The following RASGRF2 variants were observed in gnomAD, a reference collection of about 807,000 sequenced individuals.
RASGRF2 encodes the protein Ras protein specific guanine nucleotide releasing factor 2.
RASGRF2 carries 76 observed loss-of-function variants against 151.0 expected under a neutral mutation model. The ratio of observed to expected loss-of-function variants is 0.50; its 90% CI spans 0.42 to 0.61. The LOEUF (loss-of-function observed/expected upper bound fraction) is 0.61, where lower values mean the gene tolerates loss of function less well. Among genes scored for constraint, RASGRF2 ranks in the 20% least tolerant of loss-of-function variants. The probability of loss-of-function intolerance (pLI) is 0.00; values close to 1 mark genes in which losing one functional copy is unlikely to be tolerated. For missense variants in RASGRF2, 1,148 were observed against 1,564.6 expected (o/e 0.73, Z 4.49); for synonymous variants, 504 against 566.5 (o/e 0.89, Z 1.57).
intron 1 of RASGRF2, among the ~76,000 whole-genome samples, chr5:81,018,477 G>A (rs1202810524): frequency 2.0e-5 from 3 of 152,114 alleles, no homozygotes; most frequent in African/African-American, 2.4e-5. Context: ...AGGGCCAGAC[G>A]TACCGGGAAA....
Position 81,229,733 on chromosome 5 carries a change from T to C in RASGRF2, c.*3963T>C, listed in dbSNP as rs1057216136. ...AGAGCTGGCCTAGGCATCCCGGCCC[T>C]GAGTCCTAGGCCCAGTCTCCAACTG... On this transcript the variant is annotated 3_prime_UTR_variant, in exon 27 of 27. Transcript: ENST00000265080. 1.3e-5 allele frequency: 2 copies of C among 152,236 alleles called. No homozygotes were observed. Among genetic ancestry groups the C allele is most frequent in the African/African-American group, 4.8e-5 (2 of 41,468 alleles). 9.4% of individuals were successfully genotyped at this position (152,236 alleles called of 1,614,324 possible).
intron 18 of RASGRF2, among the ~76,000 whole-genome samples, chr5:81,181,985 G>A (rs1029558383): frequency 2.0e-5 from 3 of 152,164 alleles, no homozygotes; most frequent in Admixed American, 1.3e-4. Flanking sequence ...ATTCATAGAT[G>A]GGGAGAGATT....
intron 1 of RASGRF2, among the ~76,000 whole-genome samples, chr5:81,009,135 TG>T (rs1426691987): frequency 6.6e-6 from 1 of 152,216 alleles, no homozygotes; most frequent in Non-Finnish European, 1.5e-5. Context: ...TCTTTCAGCC[TG>T]TTTCCTCATC....
At chr5:81,016,352 T>C (rs1749636730) in intron 1 of RASGRF2, among the ~76,000 whole-genome samples, 1 of 152,204 alleles carries the variant, frequency 6.6e-6, no homozygotes, top group South Asian at 2.1e-4. Flanking sequence ...ATTCTCAGAT[T>C]CCTTGGTTGA....
In RASGRF2 at chr5:81,101,460, C is replaced by G. The variant is rs1011718400; in HGVS notation, c.1755+6468C>G. ...TCTGGTTGAAATAAAATTGGTAGAC[C>G]TAGAGACTCCAGGAGCCATTTTTTT... On this transcript the variant is annotated intron_variant, in intron 12 of 26. Transcript: ENST00000265080. Among the ~76,000 whole-genome samples the G allele has an allele frequency of 2.8e-4, 43 of 151,350 alleles. 1 individual carries two copies. Among genetic ancestry groups the G allele is most frequent in the African/African-American group, 1.0e-3 (42 of 41,002 alleles).
At chr5:81,138,203 AC>A (rs1226265864) in intron 17 of RASGRF2, among the ~76,000 whole-genome samples, 2 of 151,926 alleles carry the variant, frequency 1.3e-5, no homozygotes, top group Non-Finnish European at 2.9e-5. Context: ...TTCCAATGAA[AC>A]CTTAGTGTTT....
chr5:81,190,566 A>G (rs1291318207), intron 18 of RASGRF2, among the ~76,000 whole-genome samples: 1 of 152,264 alleles, frequency 6.6e-6, no homozygotes, highest in Non-Finnish European at 1.5e-5. Flanking sequence ...AGAAACTATT[A>G]TCTGATAAGT....
At chr5:81,143,170 A>G (rs1324682069) in intron 17 of RASGRF2, among the ~76,000 whole-genome samples, 1 of 151,972 alleles carries the variant, frequency 6.6e-6, no homozygotes, top group Admixed American at 6.6e-5. Flanking sequence ...TTTTTTTGAG[A>G]TGGAGTCTCA....
chr5:81,122,410 C>T (rs899212617), intron 15 of RASGRF2, among the ~76,000 whole-genome samples: 2 of 152,148 alleles, frequency 1.3e-5, no homozygotes, highest in African/African-American at 4.8e-5. Context: ...CATCTTGCAT[C>T]GTTGCCAGCT....
In RASGRF2 at chr5:81,094,315, TA is replaced by T. The variant is rs1191036511; in HGVS notation, c.1573del (p.Ile525Ter). On this transcript the variant is annotated frameshift_variant, in exon 11 of 27. Transcript: ENST00000265080. LOFTEE classifies it high-confidence loss of function. ...HLLKTGGVLS[L>X]IDCTLIEEPD... ...TTCCAGACAGGTGGGGTTCTGTCTC[TA>T]ATAGACTGCACATTGATTGAGGAGC... 6.2e-7 allele frequency: 1 copy of T among 1,613,536 alleles called. No individual in the cohort carries two copies. The highest frequency in any genetic ancestry group is 8.5e-7 in the Non-Finnish European group (1 of 1,179,882).
intron 1 of RASGRF2, among the ~76,000 whole-genome samples, chr5:80,964,971 C>T (rs1218635596): frequency 2.6e-5 from 4 of 152,024 alleles, no homozygotes; most frequent in African/African-American, 9.7e-5. Flanking sequence ...TCTTATTTTT[C>T]TGGTGGTGGT....
chr5:81,034,656 G>A (rs2112372621), intron 1 of RASGRF2, among the ~76,000 whole-genome samples: 1 of 151,474 alleles, frequency 6.6e-6, no homozygotes, highest in South Asian at 2.1e-4. Flanking sequence ...GTAGGGACAT[G>A]GATGAAATTG....
At chr5:81,223,927 G>A (rs913653190) in intron 26 of RASGRF2, among the ~76,000 whole-genome samples, 6 of 152,220 alleles carry the variant, frequency 3.9e-5, no homozygotes, top group Admixed American at 2.6e-4. Context: ...ATGACCTTTG[G>A]ATTTGAAAGA....
Position 81,158,575 on chromosome 5 carries a change from A to G in RASGRF2, c.2687-21600A>G, listed in dbSNP as rs374839981. The stretch of plus-strand genomic sequence containing the variant: ...AATCATACATCTGATAAGGAATTCT[A>G]TACGAAATATATAAAGAAGTTTTAC... On this transcript the variant is annotated intron_variant, in intron 17 of 26. Coordinates refer to ENST00000265080, the MANE Select transcript of RASGRF2 (RefSeq NM_006909.3). Among the ~76,000 whole-genome samples the G allele has an allele frequency of 4.7e-4, 72 of 152,268 alleles. 3 individuals carry two copies. The South Asian group carries it at 0.014, about 30-fold the overall frequency.
Position 81,229,572 on chromosome 5 carries a change from A to T in RASGRF2, c.*3802A>T, listed in dbSNP as rs1407439408. The T allele has an allele frequency of 1.3e-5, 2 of 152,262 alleles. No individual in the cohort carries two copies. Among genetic ancestry groups the T allele is most frequent in the African/African-American group, 4.8e-5 (2 of 41,472 alleles). 9.4% of individuals were successfully genotyped at this position (152,262 alleles called of 1,614,324 possible). On this transcript the variant is annotated 3_prime_UTR_variant, in exon 27 of 27. Transcript: ENST00000265080. The stretch of plus-strand genomic sequence containing the variant: ...CAGAAAATTATTCATCTCAGCTGCC[A>T]TGCAGCATGACATTAACATTAGGAT...
intron 12 of RASGRF2, among the ~76,000 whole-genome samples, chr5:81,097,730 T>C (rs190526767): frequency 1.3e-3 from 194 of 152,204 alleles, no homozygotes; most frequent in Non-Finnish European, 1.9e-3. Flanking sequence ...GCTGCATGTT[T>C]CAAGGAATAC....
At chr5:81,033,637 A>G (rs1750353016) in intron 1 of RASGRF2, among the ~76,000 whole-genome samples, 2 of 151,560 alleles carry the variant, frequency 1.3e-5, no homozygotes, top group South Asian at 4.2e-4. Flanking sequence ...CACCTTATAC[A>G]AAAATTAATT....
In RASGRF2 at chr5:81,026,751, GA is replaced by G. The variant is rs145834952; in HGVS notation, c.289-16117del. ...AAGCTGCGTATGTATTTTTAAGGGC[GA>G]AAAAAAAAGCAGGCAACTTTTTGGA... On this transcript the variant is annotated intron_variant, in intron 1 of 26. Coordinates refer to ENST00000265080, the MANE Select transcript of RASGRF2 (RefSeq NM_006909.3). Among the ~76,000 whole-genome samples, 1,019 of 149,766 alleles carry G rather than the reference GA, an allele frequency of 6.8e-3. 8 individuals are homozygous for G. Among genetic ancestry groups the G allele is most frequent in the Middle Eastern group, 0.01 (3 of 294 alleles).
intron 5 of RASGRF2, among the ~76,000 whole-genome samples, chr5:81,079,034 C>T (rs916797310): frequency 2.6e-5 from 4 of 152,212 alleles, no homozygotes; most frequent in Admixed American, 6.5e-5. Context: ...GCACTCACAT[C>T]GCCATGACTG....
Sources: allele counts gnomAD v4.1 joint callset (sites outside exome capture counted in the v4.1 genomes callset), GRCh38; gene constraint gnomAD v4.1.1; transcripts MANE v1.5; gene names NCBI Gene and HGNC (gene_info 2026-07-23, HGNC 2026-07-21).